Variants in TNR observed in about 807,000 individuals in gnomAD.
TNR encodes the protein tenascin-R.
In TNR, 45 loss-of-function variants were observed where a neutral mutation model predicts 150.4. The observed-to-expected ratio is 0.30, with a 90% CI of 0.24 to 0.38. The LOEUF is 0.38. TNR is among the 10% of genes least tolerant of loss of function. The pLI is 1.00. For missense variants in TNR, 1,544 were observed against 1,759.1 expected, an observed-to-expected ratio of 0.88 and a Z score of 2.19; for synonymous variants, 687 against 678.4, an observed-to-expected ratio of 1.01 and a Z score of -0.20.
At chr1:175,688,772 T>C (rs1269337851) in intron 1 of TNR, among the ~76,000 whole-genome samples, 1 of 152,176 alleles carries the variant, frequency 6.6e-6, no homozygotes, top group Non-Finnish European at 1.5e-5. Context: ...GTTTGTTTTT[T>C]CCCAAAACTC....
At chr1:175,693,921 C>T (rs551290737) in intron 1 of TNR, among the ~76,000 whole-genome samples, 8 of 152,326 alleles carry the variant, frequency 5.3e-5, no homozygotes, top group Admixed American at 2.0e-4. Flanking sequence ...TATAAAACAT[C>T]AAATTCTATA....
At chr1:175,466,554 T>C (rs995209925) in intron 2 of TNR, among the ~76,000 whole-genome samples, 1 of 152,234 alleles carries the variant, frequency 6.6e-6, no homozygotes. Context: ...GTTCAGTTAC[T>C]GGGCCCTGCC....
intron 4 of TNR, among the ~76,000 whole-genome samples, chr1:175,399,982 G>T (rs887110555): frequency 2.6e-5 from 4 of 152,284 alleles, no homozygotes; most frequent in South Asian, 2.1e-4. Context: ...ATGAATCTCC[G>T]CAGGTCTGAC....
chr1:175,730,862 AG>A lies in TNR; in HGVS notation c.-165+12363del, dbSNP rs148268742. 6.8e-3 allele frequency among the ~76,000 whole-genome samples: 1,041 copies of A among 152,252 alleles called. 15 individuals are homozygous for A. The highest frequency in any genetic ancestry group is 0.024 in the African/African-American group (987 of 41,536). On this transcript the variant is annotated intron_variant, in intron 1 of 22. Coordinates refer to ENST00000367674, the MANE Select transcript of TNR (RefSeq NM_003285.3). ...GAGGCTACTGACCTGCTGCACACAC[AG>A]GCTTTGTCTTCTGTGGTTAGTGGAG...
At chr1:175,463,618 C>T (rs1290845495) in intron 2 of TNR, among the ~76,000 whole-genome samples, 2 of 152,176 alleles carry the variant, frequency 1.3e-5, no homozygotes, top group East Asian at 1.9e-4. Flanking sequence ...TTTCTCGTAG[C>T]CCTTTTAAGA....
At chr1:175,356,497 A>C in intron 15 of TNR, 35 bp from the exon 16 acceptor site, 1 of 1,611,488 alleles carries the variant, frequency 6.2e-7, no homozygotes, top group East Asian at 2.2e-5. Context: ...GGGTTGAATA[A>C]GGCTACTCAG....
rs147293808 is a variant in TNR at position 175,445,455 on chromosome 1, TC to T, written c.-63-38679del. 6.4e-3 allele frequency among the ~76,000 whole-genome samples: 968 copies of T among 152,268 alleles called. 8 individuals carry two copies. Among genetic ancestry groups the T allele is most frequent in the African/African-American group, 0.022 (909 of 41,534 alleles). ...CTGTTCAAGGATTTTTTTTTCCATT[TC>T]TTGGTCTCTCTGTGAAAATTTTCAA... On this transcript the variant is annotated intron_variant, in intron 2 of 22. Coordinates refer to ENST00000367674, the MANE Select transcript of TNR (RefSeq NM_003285.3).
intron 1 of TNR, among the ~76,000 whole-genome samples, chr1:175,730,236 G>A (rs1287155775): frequency 6.6e-6 from 1 of 152,072 alleles, no homozygotes; most frequent in East Asian, 1.9e-4. Context: ...TTTCTACCGG[G>A]AGTGCCCCTT....
intron 1 of TNR, among the ~76,000 whole-genome samples, chr1:175,574,301 C>A (rs369145539): frequency 6.6e-6 from 1 of 152,166 alleles, no homozygotes; most frequent in East Asian, 1.9e-4. Flanking sequence ...GAAAAGACGT[C>A]CTGTCCCCAT....
At chr1:175,730,692 G>C (rs911589663) in intron 1 of TNR, among the ~76,000 whole-genome samples, 1 of 152,148 alleles carries the variant, frequency 6.6e-6, no homozygotes, top group African/African-American at 2.4e-5. Context: ...GGGAGGGAAC[G>C]GACAATAAGG....
chr1:175,485,218 A>T (rs958670687), intron 2 of TNR, among the ~76,000 whole-genome samples: 3 of 152,178 alleles, frequency 2.0e-5, no homozygotes, highest in African/African-American at 7.2e-5. Flanking sequence ...CCAACCAAAA[A>T]ATCTCTGATG....
At chr1:175,559,395 T>G (rs1247011010) in intron 1 of TNR, among the ~76,000 whole-genome samples, 1 of 152,192 alleles carries the variant, frequency 6.6e-6, no homozygotes, top group East Asian at 1.9e-4. Context: ...AGTGAAATAA[T>G]ATGGACCTAT....
At chr1:175,632,917 G>A (rs1410239197) in intron 1 of TNR, among the ~76,000 whole-genome samples, 1 of 152,156 alleles carries the variant, frequency 6.6e-6, no homozygotes, top group African/African-American at 2.4e-5. Flanking sequence ...ACAAGGTTAT[G>A]ATGTCTCTTC....
chr1:175,596,291 T>C (rs1663003620), intron 1 of TNR, among the ~76,000 whole-genome samples: 1 of 151,824 alleles, frequency 6.6e-6, no homozygotes, highest in Admixed American at 6.6e-5. Context: ...AGCTGAGGAG[T>C]GGAGGGTCCT....
At chr1:175,733,220 C>T (rs1667687498) in intron 1 of TNR, among the ~76,000 whole-genome samples, 1 of 152,218 alleles carries the variant, frequency 6.6e-6, no homozygotes, top group Non-Finnish European at 1.5e-5. Flanking sequence ...GGAGTGGGAA[C>T]CGGGTCCCTT....
rs145963709 is a variant in TNR at position 175,502,337 on chromosome 1, T to G, written c.-64+25932A>C. Reference sequence around the variant, plus strand: ...TTGGGGCAGACACATTGAACCCCCATGCAGGGAATATTGGCTGTTGAAAAT... The same window carrying G: ...TTGGGGCAGACACATTGAACCCCCAGGCAGGGAATATTGGCTGTTGAAAAT... On this transcript the variant is annotated intron_variant, in intron 2 of 22. Transcript: ENST00000367674. Among the ~76,000 whole-genome samples the G allele has an allele frequency of 6.2e-4, 95 of 152,280 alleles. 1 individual carries two copies. The East Asian group carries it at 0.013, about 21-fold the overall frequency.
intron 21 of TNR, among the ~76,000 whole-genome samples, chr1:175,325,274 T>A (rs1649305559): frequency 6.6e-6 from 1 of 152,144 alleles, no homozygotes; most frequent in Non-Finnish European, 1.5e-5. Context: ...AAAATGCTCA[T>A]CATCACTGGC....
chr1:175,709,651 C>A (rs1198864986), intron 1 of TNR, among the ~76,000 whole-genome samples: 1 of 152,208 alleles, frequency 6.6e-6, no homozygotes, highest in South Asian at 2.1e-4. Context: ...TAAGGCCTCA[C>A]ATGCTCAGTG....
At chr1:175,412,708 C>T (rs1654264088) in intron 2 of TNR, among the ~76,000 whole-genome samples, 1 of 152,144 alleles carries the variant, frequency 6.6e-6, no homozygotes, top group South Asian at 2.1e-4. Flanking sequence ...ACACCACCAT[C>T]AACCTCTCTG....
Sources: allele counts gnomAD v4.1 joint callset (sites outside exome capture counted in the v4.1 genomes callset), GRCh38; gene constraint gnomAD v4.1.1; transcripts MANE v1.5; gene names NCBI Gene and HGNC (gene_info 2026-07-23, HGNC 2026-07-21).